Variants in MRPS35 observed in about 807,000 individuals in gnomAD.
The protein encoded by MRPS35 is mitochondrial ribosomal protein S35.
Under a neutral mutation model 32.7 loss-of-function variants are expected in MRPS35, and 29 were observed. That is an observed-to-expected ratio of 0.89 (90% CI 0.66 to 1.21). The LOEUF is 1.21. MRPS35 is among the 50% of genes most tolerant of loss of function. MRPS35 has a pLI of 0.00. For missense variants in MRPS35, 373 were observed against 383.8 expected, an observed-to-expected ratio of 0.97 and a Z score of 0.23; for synonymous variants, 148 against 139.3, an observed-to-expected ratio of 1.06 and a Z score of -0.44.
At chr12:27,741,606 C>T (rs1414904567) in intron 7 of MRPS35, among the ~76,000 whole-genome samples, 1 of 151,996 alleles carries the variant, frequency 6.6e-6, no homozygotes, top group Non-Finnish European at 1.5e-5. Flanking sequence ...GATGTGTATC[C>T]TACTCACAAT....
At chr12:27,723,255 G>A (rs2061884385) in intron 4 of MRPS35, among the ~76,000 whole-genome samples, 2 of 152,088 alleles carry the variant, frequency 1.3e-5, no homozygotes, top group Admixed American at 6.6e-5. Flanking sequence ...GAAGCTGGGA[G>A]CTACCTCTTT....
At chr12:27,749,650 A>G (rs1484830410) in intron 7 of MRPS35, among the ~76,000 whole-genome samples, 1 of 152,054 alleles carries the variant, frequency 6.6e-6, no homozygotes, top group Non-Finnish European at 1.5e-5. Flanking sequence ...GGAACCCCTT[A>G]CTCCCAATGC....
chr12:27,716,993 GAA>G (rs35366140), intron 3 of MRPS35, among the ~76,000 whole-genome samples: 6 of 146,000 alleles, frequency 4.1e-5, no homozygotes, highest in African/African-American at 1.5e-4. Flanking sequence ...TCTGTCTCAG[GAA>G]AAAAAAAAAG....
At chr12:27,751,533 C>T (rs1393867250) in intron 7 of MRPS35, among the ~76,000 whole-genome samples, 2 of 152,186 alleles carry the variant, frequency 1.3e-5, no homozygotes, top group Non-Finnish European at 2.9e-5. Flanking sequence ...CGGCGGTTTG[C>T]TCCGGCTGTG....
At chr12:27,740,041 G>A (rs1453625870) in intron 7 of MRPS35, among the ~76,000 whole-genome samples, 1 of 152,180 alleles carries the variant, frequency 6.6e-6, no homozygotes, top group Admixed American at 6.5e-5. Flanking sequence ...TACCATCAGT[G>A]AAGAAGATTT....
chr12:27,755,294 T>G lies in MRPS35; in HGVS notation c.816T>G (p.Ala272=). 1.9e-6 allele frequency: 3 copies of G among 1,612,846 alleles called. No individual in the cohort carries two copies. Among genetic ancestry groups the G allele is most frequent in the Non-Finnish European group, 8.5e-7 (1 of 1,179,770 alleles). ...ILETLLQMKA[A]EKNMEINKEE... ...AAACGCTTCTCCAGATGAAAGCTGCTGAGAAAAATATGGAAATAAATAAAG... is the reference window on the plus strand; with the variant it reads ...AAACGCTTCTCCAGATGAAAGCTGCGGAGAAAAATATGGAAATAAATAAAG... Residue 272 remains alanine, a synonymous_variant, in exon 8 of 8, where the codon GCT becomes GCG. Coordinates refer to ENST00000081029, the MANE Select transcript of MRPS35 (RefSeq NM_021821.4).
intron 4 of MRPS35, among the ~76,000 whole-genome samples, chr12:27,720,146 C>CT (rs1337849050): frequency 6.6e-6 from 1 of 152,068 alleles, no homozygotes; most frequent in African/African-American, 2.4e-5. Flanking sequence ...AATCCCAGCA[C>CT]TTTGGAAGGC....
At chr12:27,711,613 T>G (rs1277329562) in intron 1 of MRPS35, among the ~76,000 whole-genome samples, 1 of 152,016 alleles carries the variant, frequency 6.6e-6, no homozygotes, top group Non-Finnish European at 1.5e-5. Context: ...TCCTGTTATA[T>G]CTCTAATTTA....
chr12:27,716,440 A>G lies in MRPS35; in HGVS notation c.303A>G (p.Gly101=). ...AGGGCGTGCCCATGGCAAAGGAGGG[A>G]AATCTAGAACTTTTAAAGGTAAGAC... ...VKKGVPMAKE[G]NLELLKIPNF... The change falls in exon 3 of 8, where the codon GGA becomes GGG. Residue 101 remains glycine, a synonymous_variant. Coordinates refer to ENST00000081029, the MANE Select transcript of MRPS35 (RefSeq NM_021821.4). The G allele has an allele frequency of 6.2e-7, 1 of 1,614,028 alleles. No individual in the cohort carries two copies. The highest frequency in any genetic ancestry group is 1.1e-5 in the South Asian group (1 of 91,070).
At chr12:27,722,624 C>T (rs956170682) in intron 4 of MRPS35, among the ~76,000 whole-genome samples, 2 of 151,952 alleles carry the variant, frequency 1.3e-5, no homozygotes, top group Non-Finnish European at 2.9e-5. Context: ...TCTTATAGTG[C>T]AGGATATTGG....
intron 5 of MRPS35, among the ~76,000 whole-genome samples, chr12:27,731,409 G>GA (rs2061921616): frequency 6.6e-6 from 1 of 152,140 alleles, no homozygotes; most frequent in Non-Finnish European, 1.5e-5. Flanking sequence ...GAAATGTGTT[G>GA]AAAATCTATG....
intron 1 of MRPS35, among the ~76,000 whole-genome samples, chr12:27,713,807 G>T (rs2061837838): frequency 6.6e-6 from 1 of 152,052 alleles, no homozygotes; most frequent in African/African-American, 2.4e-5. Flanking sequence ...AACTATCATG[G>T]CTGGGCACAG....
intron 7 of MRPS35, among the ~76,000 whole-genome samples, chr12:27,748,438 G>GGT (rs35760106): frequency 0.097 from 14,157 of 145,926 alleles, 724 homozygotes; most frequent in Non-Finnish European, 0.12. Flanking sequence ...AAAGAAAAGT[G>GGT]GTGTGTGTGT....
chr12:27,740,689 C>T (rs2061961184), intron 7 of MRPS35, among the ~76,000 whole-genome samples: 1 of 152,192 alleles, frequency 6.6e-6, no homozygotes, highest in African/African-American at 2.4e-5. Flanking sequence ...ATCACCTAGA[C>T]TCCAGTAGAA....
chr12:27,731,682 C>T (rs2061922621), intron 5 of MRPS35, among the ~76,000 whole-genome samples: 1 of 152,180 alleles, frequency 6.6e-6, no homozygotes, highest in Non-Finnish European at 1.5e-5. Flanking sequence ...GATTCTCCTG[C>T]TTCAGCCTCC....
chr12:27,745,787 T>G (rs940943152), intron 7 of MRPS35, among the ~76,000 whole-genome samples: 1 of 151,266 alleles, frequency 6.6e-6, no homozygotes, highest in Non-Finnish European at 1.5e-5. Context: ...CATTGTTCAA[T>G]TCCCACCTAT....
At chr12:27,754,996 A>G (rs370035639) in intron 7 of MRPS35, among the ~76,000 whole-genome samples, 185 bp from the exon 8 acceptor site, 6 of 152,186 alleles carry the variant, frequency 3.9e-5, no homozygotes, top group Admixed American at 3.3e-4. Flanking sequence ...GGTGGCTAAC[A>G]GTACAGGGTT....
chr12:27,718,108 G>A (rs1403504550), intron 3 of MRPS35, among the ~76,000 whole-genome samples: 1 of 152,136 alleles, frequency 6.6e-6, no homozygotes, highest in East Asian at 1.9e-4. Context: ...CCAGTTTTCA[G>A]TGCCTATTTT....
chr12:27,721,010 T>C (rs1323698955), intron 4 of MRPS35, among the ~76,000 whole-genome samples: 1 of 152,152 alleles, frequency 6.6e-6, no homozygotes, highest in Non-Finnish European at 1.5e-5. Context: ...TTAAAGGTGT[T>C]GTATATTACA....
Sources: allele counts gnomAD v4.1 joint callset (sites outside exome capture counted in the v4.1 genomes callset), GRCh38; gene constraint gnomAD v4.1.1; transcripts MANE v1.5; gene names NCBI Gene and HGNC (gene_info 2026-07-23, HGNC 2026-07-21).